Variants in STK32C observed in about 807,000 individuals in gnomAD.
The protein encoded by STK32C is serine/threonine kinase 32C, also known as serine/threonine-protein kinase 32C.
Under a neutral mutation model 56.5 loss-of-function variants are expected in STK32C, and 31 were observed. That is an observed-to-expected ratio of 0.55 (90% CI 0.41 to 0.74). The LOEUF (loss-of-function observed/expected upper bound fraction) is 0.74. Ranked by LOEUF, STK32C falls within the 30% of genes least tolerant of loss-of-function variation. The pLI, the probability that STK32C is intolerant of heterozygous loss-of-function variation, is 0.00. For missense variants in STK32C, 544 were observed against 676.9 expected (o/e 0.80, Z 2.18); for synonymous variants, 309 against 289.4 (o/e 1.07, Z -0.69).
chr10:132,272,157 T>TTGGTTGA (rs2138164251), intron 1 of STK32C, among the ~76,000 whole-genome samples: 2 of 152,326 alleles, frequency 1.3e-5, no homozygotes, highest in South Asian at 4.1e-4. Context: ...AGATGAGATC[T>TTGGTTGA]TCAAAGAGTT....
intron 1 of STK32C, among the ~76,000 whole-genome samples, chr10:132,273,417 G>A (rs1411117192): frequency 6.6e-6 from 1 of 152,090 alleles, no homozygotes; most frequent in Non-Finnish European, 1.5e-5. Flanking sequence ...GCCCTGTTGA[G>A]TGAATGAATG....
At chr10:132,289,848 A>T (rs1435393510) in intron 1 of STK32C, among the ~76,000 whole-genome samples, 1 of 152,106 alleles carries the variant, frequency 6.6e-6, no homozygotes, top group East Asian at 1.9e-4. Flanking sequence ...ATCTCAACAT[A>T]TGTATGTGGG....
At position 132,209,028 on chromosome 10, in the gene STK32C, A is replaced by G. The variant is rs760672010; in HGVS notation, c.1319+6T>C. 6.2e-7 allele frequency: 1 copy of G among 1,606,036 alleles called. No homozygotes were observed. Among genetic ancestry groups the G allele is most frequent in the Non-Finnish European group, 8.5e-7 (1 of 1,173,938 alleles). ...CACCACGCCCACCCACCCCCAACAC[A>G]CTCACTTTTCTCTGTTAAAAATCAC... On this transcript the variant is annotated splice_donor_region_variant and intron_variant, in intron 11 of 11. Coordinates refer to ENST00000298630, the MANE Select transcript of STK32C (RefSeq NM_173575.4).
chr10:132,297,880 G>A (rs1282268249), intron 1 of STK32C, among the ~76,000 whole-genome samples: 2 of 152,226 alleles, frequency 1.3e-5, no homozygotes, highest in Non-Finnish European at 2.9e-5. Context: ...CCAACTTCCT[G>A]TTTGTTTGTT....
chr10:132,331,179 A>G (rs995372530), intron 1 of STK32C, among the ~76,000 whole-genome samples: 2 of 133,364 alleles, frequency 1.5e-5, no homozygotes, highest in Non-Finnish European at 3.1e-5. Context: ...CCAGCCTGGG[A>G]GACAAAGCAA....
intron 1 of STK32C, among the ~76,000 whole-genome samples, chr10:132,278,910 G>A (rs2065069766): frequency 6.6e-6 from 1 of 152,146 alleles, no homozygotes; most frequent in Non-Finnish European, 1.5e-5. Flanking sequence ...AGGCCACGAG[G>A]GCCACTCATG....
chr10:132,263,243 G>C (rs150698215), intron 1 of STK32C, among the ~76,000 whole-genome samples: 16 of 152,284 alleles, frequency 1.1e-4, no homozygotes, highest in African/African-American at 3.9e-4. Flanking sequence ...TATACACCAT[G>C]GCATATCACA....
Position 132,255,664 on chromosome 10 carries a change from G to A in STK32C, c.263-9709C>T, listed in dbSNP as rs184681461. Among the ~76,000 whole-genome samples, 371 of 152,284 alleles carry A rather than the reference G, an allele frequency of 2.4e-3. 2 individuals are homozygous for A. Among genetic ancestry groups the A allele is most frequent in the African/African-American group, 8.7e-3 (360 of 41,562 alleles). ...CCTCAACCCTTGCTGAGCCCCACGC[G>A]GTTTCCTGCACCACTGAGGATGTGT... On this transcript the variant is annotated intron_variant, in intron 1 of 11. Transcript: ENST00000298630. The surrounding 1 kb of genome is among the most constrained non-coding windows in gnomAD (Gnocchi z 4.6).
chr10:132,301,442 G>A (rs2065908064), intron 1 of STK32C, among the ~76,000 whole-genome samples: 1 of 152,182 alleles, frequency 6.6e-6, no homozygotes, highest in Non-Finnish European at 1.5e-5. Context: ...TGGAACCCGG[G>A]TTCCTCCCTA....
intron 2 of STK32C, among the ~76,000 whole-genome samples, chr10:132,237,443 G>A (rs2063333088): frequency 6.6e-6 from 1 of 152,248 alleles, no homozygotes; most frequent in African/African-American, 2.4e-5. Flanking sequence ...GCTATTTTAA[G>A]GCATAAAGGT....
At chr10:132,225,357 A>G in intron 6 of STK32C, 21 bp from the exon 7 acceptor site, 2 of 1,600,432 alleles carry the variant, frequency 1.2e-6, no homozygotes, top group Non-Finnish European at 1.7e-6. Context: ...GAAAGAAGGA[A>G]AAACAGCTGC....
chr10:132,270,639 G>T (rs1378556069), intron 1 of STK32C, among the ~76,000 whole-genome samples: 1 of 152,188 alleles, frequency 6.6e-6, no homozygotes, highest in Admixed American at 6.5e-5. Flanking sequence ...ATGAACCCAT[G>T]GCCTTATTTG....
chr10:132,234,480 T>C (rs1359084421), intron 2 of STK32C, among the ~76,000 whole-genome samples: 2 of 152,202 alleles, frequency 1.3e-5, no homozygotes, highest in African/African-American at 2.4e-5. Flanking sequence ...CTATGAATTC[T>C]TGGGGGGACT....
rs571675219 is a variant in STK32C, at chr10:132,220,249, G to A, written c.1251+2392C>T. 7.2e-5 allele frequency among the ~76,000 whole-genome samples: 11 copies of A among 152,336 alleles called. No homozygotes were observed. The East Asian group carries it at 9.7e-4, about 13-fold the overall frequency. ...ACGCACACACAGGCCGACCCCACGC[G>A]GCAGCGAAGCAGGGGCTGGGGGGAT... On this transcript the variant is annotated intron_variant, in intron 10 of 11. Transcript: ENST00000298630.
chr10:132,239,805 A>G (rs573486892), intron 2 of STK32C, among the ~76,000 whole-genome samples: 2 of 152,372 alleles, frequency 1.3e-5, no homozygotes, highest in African/African-American at 4.8e-5. Context: ...CACTCACGGC[A>G]CATAGGCCCG....
chr10:132,279,014 A>G (rs778264456), intron 1 of STK32C, among the ~76,000 whole-genome samples: 19 of 152,296 alleles, frequency 1.2e-4, no homozygotes, highest in Admixed American at 3.3e-4. Context: ...TGTCTTGAAT[A>G]CAGCCAGTGC....
intron 2 of STK32C, among the ~76,000 whole-genome samples, chr10:132,235,046 T>C (rs1006773636): frequency 6.6e-6 from 1 of 151,696 alleles, no homozygotes; most frequent in African/African-American, 2.4e-5. Context: ...CTGTGAGTGG[T>C]ATGAACTGTC....
exon 1 of STK32C, chr10:132,331,686 A>G: frequency 5.6e-6 from 9 of 1,612,732 alleles, no homozygotes; most frequent in Non-Finnish European, 7.6e-6. Context: ...GCTGTCCTCG[A>G]GCAGCCCCGC....
chr10:132,243,162 G>A (rs2063565083), intron 2 of STK32C, among the ~76,000 whole-genome samples: 1 of 152,250 alleles, frequency 6.6e-6, no homozygotes, highest in Non-Finnish European at 1.5e-5. Context: ...CTCACAGGAG[G>A]ATGCAGGAAT....
Sources: gnomAD v4.1 joint callset for allele counts (sites outside exome capture counted in the v4.1 genomes callset) on GRCh38, gnomAD v4.1.1 for gene constraint, Gnocchi (gnomAD v3.1) non-coding constraint, MANE v1.5 for transcripts, NCBI Gene and HGNC (gene_info 2026-07-23, HGNC 2026-07-21) for gene names.